KIF6: variants seen among roughly 807,000 people sequenced by gnomAD.
KIF6 encodes the protein kinesin-like protein KIF6.
KIF6 carries 106 observed loss-of-function variants against 112.7 expected under a neutral mutation model. The observed-to-expected ratio is 0.94, with a 90% CI of 0.80 to 1.11. The LOEUF is 1.11. Among genes scored for constraint, KIF6 ranks in the 50% least tolerant of loss-of-function variants. The pLI is 0.00. For missense variants in KIF6, 929 were observed against 964.0 expected (o/e 0.96, Z 0.48); for synonymous variants, 339 against 339.9 (o/e 1.00, Z 0.03).
chr6:39,724,216 C>G (rs935510263), intron 1 of KIF6, among the ~76,000 whole-genome samples: 1 of 152,112 alleles, frequency 6.6e-6, no homozygotes, highest in African/African-American at 2.4e-5. Flanking sequence ...TTTGGGAGGC[C>G]GAGGCGGGCG....
chr6:39,693,796 T>G (rs160024), intron 3 of KIF6, among the ~76,000 whole-genome samples: 131,808 of 152,012 alleles, frequency 0.87, 57,438 homozygotes, highest in East Asian at 0.97. Flanking sequence ...TGAGGAGGAA[T>G]GACTCCTTCC....
At chr6:39,710,815 C>T (rs1367885864) in intron 3 of KIF6, among the ~76,000 whole-genome samples, 3 of 151,898 alleles carry the variant, frequency 2.0e-5, no homozygotes, top group African/African-American at 7.3e-5. Context: ...GTGGGAGGAT[C>T]GCCTGAGCCC....
chr6:39,664,606 G>A (rs544774917), intron 3 of KIF6, among the ~76,000 whole-genome samples: 2 of 152,304 alleles, frequency 1.3e-5, no homozygotes, highest in Admixed American at 6.5e-5. Context: ...TTAATTGCTT[G>A]AAGTACAGGA....
intron 13 of KIF6, among the ~76,000 whole-genome samples, chr6:39,444,479 G>A (rs1441347629): frequency 6.6e-6 from 1 of 151,954 alleles, no homozygotes; most frequent in East Asian, 1.9e-4. Flanking sequence ...AAGATCTTAA[G>A]GTGAAAAGAC....
intron 13 of KIF6, among the ~76,000 whole-genome samples, chr6:39,473,772 C>A (rs1242426468): frequency 6.6e-6 from 1 of 152,128 alleles, no homozygotes; most frequent in Non-Finnish European, 1.5e-5. Flanking sequence ...AAATAGAGAG[C>A]AGGCTTAGAA....
chr6:39,593,628 G>A (rs564231147), intron 7 of KIF6, among the ~76,000 whole-genome samples: 3 of 152,128 alleles, frequency 2.0e-5, no homozygotes, highest in African/African-American at 4.8e-5. Flanking sequence ...ATGAAACATC[G>A]GTTACAGAGA....
At chr6:39,660,463 G>A (rs1363688913) in intron 3 of KIF6, among the ~76,000 whole-genome samples, 1 of 152,192 alleles carries the variant, frequency 6.6e-6, no homozygotes, top group East Asian at 1.9e-4. Context: ...GTCTAGTTGT[G>A]TTGTCAATGT....
chr6:39,519,728 A>AAAACAAAACAAAACAAAAC (rs1777274606), intron 13 of KIF6, among the ~76,000 whole-genome samples: 1 of 151,756 alleles, frequency 6.6e-6, no homozygotes, highest in Non-Finnish European at 1.5e-5. Flanking sequence ...AAAACAAAAC[A>AAAACAAAACAAAACAAAAC]AAAACAAGCC....
intron 20 of KIF6, among the ~76,000 whole-genome samples, chr6:39,346,139 C>T (rs1240891792): frequency 1.5e-5 from 2 of 130,440 alleles, no homozygotes; most frequent in Non-Finnish European, 3.2e-5. Context: ...CTCCCTCTCT[C>T]TCTCTCTCTC....
At chr6:39,687,777 T>C (rs1055217545) in intron 3 of KIF6, among the ~76,000 whole-genome samples, 2 of 152,244 alleles carry the variant, frequency 1.3e-5, no homozygotes, top group African/African-American at 4.8e-5. Flanking sequence ...ATATTAGCCA[T>C]GCAACCTTTG....
At chr6:39,656,360 C>T (rs1373212384) in intron 3 of KIF6, among the ~76,000 whole-genome samples, 1 of 152,158 alleles carries the variant, frequency 6.6e-6, no homozygotes, top group Non-Finnish European at 1.5e-5. Context: ...TATTGTAATA[C>T]CATTCTAAAT....
intron 10 of KIF6, among the ~76,000 whole-genome samples, chr6:39,555,580 C>T (rs920874954): frequency 2.0e-5 from 3 of 152,134 alleles, no homozygotes; most frequent in African/African-American, 7.2e-5. Flanking sequence ...CCTAACCTCC[C>T]ACGGTCCCAT....
In KIF6 at chr6:39,343,424, A is replaced by G. The variant is rs1440197462; in HGVS notation, c.2428+285T>C. The G allele has an allele frequency of 3.6e-6, 5 of 1,392,080 alleles. No individual in the cohort carries two copies. The highest frequency in any genetic ancestry group is 4.7e-6 in the Non-Finnish European group (5 of 1,055,506). The allele number at this position is 1,392,080 out of a possible 1,614,324, so 86.2% of individuals were successfully genotyped here. On this transcript the variant is annotated intron_variant, in intron 22 of 22. Transcript: ENST00000287152. The surrounding 1 kb of genome is among the most constrained non-coding windows in gnomAD (Gnocchi z 4.1). ...AGCTGACTTTGGGAACAGAGAACAAAGGAGCTGAAGATCTGGAAGAGACAG... is the reference window on the plus strand; with the variant it reads ...AGCTGACTTTGGGAACAGAGAACAAGGGAGCTGAAGATCTGGAAGAGACAG...
At chr6:39,653,380 A>G (rs1785584914) in intron 3 of KIF6, among the ~76,000 whole-genome samples, 1 of 152,204 alleles carries the variant, frequency 6.6e-6, no homozygotes, top group Non-Finnish European at 1.5e-5. Context: ...ACATGTTTAC[A>G]ATAGGATTAA....
intron 16 of KIF6, among the ~76,000 whole-genome samples, chr6:39,373,010 G>T (rs1766140705): frequency 6.6e-6 from 1 of 152,116 alleles, no homozygotes; most frequent in Non-Finnish European, 1.5e-5. Flanking sequence ...GCCTTTCTTG[G>T]TCCGAGATTT....
chr6:39,346,132 C>CCTCTCTCTCTCCCTCTCTCT (rs1763769865), intron 20 of KIF6, among the ~76,000 whole-genome samples: 13 of 26,930 alleles, frequency 4.8e-4, no homozygotes, highest in African/African-American at 1.2e-3. Context: ...CCTCCCTCTC[C>CCTCTCTCTCTCCCTCTCTCT]CTCTCTCTCT....
chr6:39,595,971 T>A (rs987864887), intron 7 of KIF6, 83 bp downstream of exon 7: 6 of 1,066,048 alleles, frequency 5.6e-6, no homozygotes, highest in Non-Finnish European at 6.8e-6. Context: ...ATAAAAAAAA[T>A]TCTAATAGAA....
chr6:39,450,729 C>T (rs1772644472), intron 13 of KIF6, among the ~76,000 whole-genome samples: 1 of 152,102 alleles, frequency 6.6e-6, no homozygotes, highest in African/African-American at 2.4e-5. Flanking sequence ...TGCCTGAGCC[C>T]GGGAGGTTGA....
chr6:39,613,450 C>A, intron 5 of KIF6, 132 bp from the exon 6 acceptor site: 1 of 485,546 alleles, frequency 2.1e-6, no homozygotes, highest in Non-Finnish European at 3.4e-6. Context: ...ACACAAGATA[C>A]CAGACAGCAC....
Sources: allele counts gnomAD v4.1 joint callset (sites outside exome capture counted in the v4.1 genomes callset), GRCh38; gene constraint gnomAD v4.1.1; non-coding constraint Gnocchi (gnomAD v3.1); transcripts MANE v1.5; gene names NCBI Gene and HGNC (gene_info 2026-07-23, HGNC 2026-07-21).